PXDNL: variants seen among roughly 807,000 people sequenced by gnomAD.
The protein encoded by PXDNL is peroxidasin like, also known as probable oxidoreductase PXDNL.
PXDNL carries 145 observed loss-of-function variants against 150.8 expected under a neutral mutation model. The observed-to-expected ratio is 0.96, with a 90% confidence interval of 0.84 to 1.10. The LOEUF (loss-of-function observed/expected upper bound fraction) is 1.10, where lower values mean the gene tolerates loss of function less well. PXDNL is among the 50% of genes least tolerant of loss of function. The pLI, the probability that PXDNL is intolerant of heterozygous loss-of-function variation, is 0.00. For missense variants in PXDNL, 2,087 were observed against 1,873.9 expected, an observed-to-expected ratio of 1.11 and a Z score of -2.10; for synonymous variants, 757 against 725.7, an observed-to-expected ratio of 1.04 and a Z score of -0.69.
intron 1 of PXDNL, among the ~76,000 whole-genome samples, chr8:51,707,093 A>G (rs1816396493): frequency 6.6e-6 from 1 of 152,218 alleles, no homozygotes; most frequent in African/African-American, 2.4e-5. Context: ...TTTATGAAAT[A>G]AGCTATTTTA....
At chr8:51,392,225 C>G (rs1807933038) in intron 17 of PXDNL, among the ~76,000 whole-genome samples, 1 of 152,114 alleles carries the variant, frequency 6.6e-6, no homozygotes, top group Non-Finnish European at 1.5e-5. Context: ...GATGTGGGCT[C>G]TTTTTTGGTT....
chr8:51,525,974 C>T (rs531707183), intron 4 of PXDNL, among the ~76,000 whole-genome samples: 4 of 152,310 alleles, frequency 2.6e-5, no homozygotes, highest in East Asian at 1.9e-4. Context: ...CTCACTCATA[C>T]GGTTCTTGTT....
intron 4 of PXDNL, among the ~76,000 whole-genome samples, chr8:51,525,252 T>G (rs75238237): frequency 0.016 from 2,364 of 152,332 alleles, 62 homozygotes; most frequent in African/African-American, 0.054. Flanking sequence ...TTGTCATTTT[T>G]GTGAAGATTA....
In PXDNL at chr8:51,665,175, C is replaced by T. The variant is rs185335906; in HGVS notation, c.165-10415G>A. Among the ~76,000 whole-genome samples, 200 of 152,292 alleles carry T rather than the reference C, an allele frequency of 1.3e-3. 1 individual carries two copies. Among genetic ancestry groups the T allele is most frequent in the African/African-American group, 4.6e-3 (190 of 41,560 alleles). On this transcript the variant is annotated intron_variant, in intron 1 of 22. Transcript: ENST00000356297. ...TTCCCTGACAACTGTGCTCTGGGAA[C>T]CCCTGTGCTCCCCTAAGGCCTTTGC...
chr8:51,529,745 G>GCAGCCTAACCTGTC (rs1445077629), intron 4 of PXDNL, among the ~76,000 whole-genome samples: 16 of 152,092 alleles, frequency 1.1e-4, no homozygotes, highest in African/African-American at 3.9e-4. Flanking sequence ...ATAGCCACCT[G>GCAGCCTAACCTGTC]CAGCCTAACC....
intron 3 of PXDNL, among the ~76,000 whole-genome samples, chr8:51,564,668 A>G (rs759956808): frequency 1.3e-5 from 2 of 151,790 alleles, no homozygotes; most frequent in Non-Finnish European, 2.9e-5. Flanking sequence ...ATGGGAACAG[A>G]TTCCTTCTTT....
At chr8:51,519,820 A>G (rs1811621631) in intron 4 of PXDNL, among the ~76,000 whole-genome samples, 1 of 152,228 alleles carries the variant, frequency 6.6e-6, no homozygotes, top group Non-Finnish European at 1.5e-5. Flanking sequence ...TTACAATAAA[A>G]ACAAGTTCAA....
rs531827117 is a variant in PXDNL at position 51,353,522 on chromosome 8, T to C, written c.3902-7575A>G. ...TTATTTGGTCTAATGACTAAAAAAT[T>C]CTCAGTAGCTATTTTCTTTTAAATT... On this transcript the variant is annotated intron_variant, in intron 19 of 22. Coordinates refer to ENST00000356297, the MANE Select transcript of PXDNL (RefSeq NM_144651.5). Among the ~76,000 whole-genome samples the C allele has an allele frequency of 1.4e-4, 21 of 152,240 alleles. No homozygotes were observed. The South Asian group carries it at 4.3e-3, about 32-fold the overall frequency.
intron 14 of PXDNL, among the ~76,000 whole-genome samples, chr8:51,421,896 C>A (rs941442266): frequency 6.6e-6 from 1 of 152,200 alleles, no homozygotes; most frequent in African/African-American, 2.4e-5. Context: ...GTGCTCCTCA[C>A]TGAGGTTCGA....
chr8:51,533,907 C>T (rs1811976873), intron 4 of PXDNL, among the ~76,000 whole-genome samples: 2 of 151,198 alleles, frequency 1.3e-5, no homozygotes, highest in African/African-American at 4.9e-5. Flanking sequence ...CAGCCGCCAC[C>T]CCGTCTGGGA....
At chr8:51,562,957 T>A (rs1812746905) in intron 3 of PXDNL, among the ~76,000 whole-genome samples, 1 of 151,950 alleles carries the variant, frequency 6.6e-6, no homozygotes, top group South Asian at 2.1e-4. Flanking sequence ...GTAATGGAGC[T>A]GTCACAGGAG....
intron 6 of PXDNL, among the ~76,000 whole-genome samples, chr8:51,481,512 G>A (rs1810602881): frequency 1.3e-5 from 2 of 152,184 alleles, no homozygotes; most frequent in African/African-American, 4.8e-5. Flanking sequence ...AAGTCATGAG[G>A]GACCAAAGGC....
intron 3 of PXDNL, among the ~76,000 whole-genome samples, chr8:51,562,541 A>C (rs552463143): frequency 8.1e-4 from 123 of 152,164 alleles, no homozygotes; most frequent in Non-Finnish European, 1.2e-3. Flanking sequence ...TAATGTATTA[A>C]GTTTTTCACT....
intron 3 of PXDNL, among the ~76,000 whole-genome samples, chr8:51,578,151 A>G (rs1223143587): frequency 2.6e-5 from 2 of 77,330 alleles, no homozygotes; most frequent in Non-Finnish European, 4.4e-5. Context: ...AGAGAGAGAA[A>G]GAAAGAGAAA....
At chr8:51,403,442 G>A (rs1407279931) in intron 17 of PXDNL, among the ~76,000 whole-genome samples, 2 of 152,130 alleles carry the variant, frequency 1.3e-5, no homozygotes, top group African/African-American at 2.4e-5. Context: ...CTAAGGGGCA[G>A]TGTTCCATGT....
intron 12 of PXDNL, among the ~76,000 whole-genome samples, chr8:51,438,433 C>T: frequency 6.6e-6 from 1 of 152,122 alleles, no homozygotes; most frequent in African/African-American, 2.4e-5. Flanking sequence ...GTCATAGTCA[C>T]CAATAAAGCA....
chr8:51,698,007 C>T (rs1185480977), intron 1 of PXDNL, among the ~76,000 whole-genome samples: 1 of 152,196 alleles, frequency 6.6e-6, no homozygotes, highest in Non-Finnish European at 1.5e-5. Flanking sequence ...GTAAAACATA[C>T]TTTACTGCTA....
At chr8:51,433,785 C>T (rs1267614429) in intron 12 of PXDNL, among the ~76,000 whole-genome samples, 2 of 152,090 alleles carry the variant, frequency 1.3e-5, no homozygotes, top group East Asian at 3.8e-4. Flanking sequence ...AACCTATTAA[C>T]CAACACCTCA....
intron 4 of PXDNL, among the ~76,000 whole-genome samples, chr8:51,556,332 C>T (rs1403658187): frequency 6.6e-6 from 1 of 152,050 alleles, no homozygotes; most frequent in Non-Finnish European, 1.5e-5. Context: ...AGTTAACTAA[C>T]ATTGAAGTTA....
Sources: allele counts gnomAD v4.1 joint callset (sites outside exome capture counted in the v4.1 genomes callset), GRCh38; gene constraint gnomAD v4.1.1; transcripts MANE v1.5; gene names NCBI Gene and HGNC (gene_info 2026-07-23, HGNC 2026-07-21).